Variants in PCDH7 observed in about 807,000 individuals in gnomAD.
The protein encoded by PCDH7 is protocadherin-7.
PCDH7 carries 17 observed loss-of-function variants against 58.9 expected under a neutral mutation model. That is an observed-to-expected ratio of 0.29 (90% CI 0.20 to 0.43). PCDH7 has a LOEUF of 0.43. PCDH7 is among the 20% of genes least tolerant of loss of function. PCDH7 has a pLI of 1.00. For synonymous variants in PCDH7, 664 were observed against 616.4 expected (o/e 1.08, Z -1.14); for missense variants, 1,274 against 1,441.0 (o/e 0.88, Z 1.88).
chr4:30,767,769 C>A (rs1436103730), intron 1 of PCDH7, among the ~76,000 whole-genome samples: 1 of 152,090 alleles, frequency 6.6e-6, no homozygotes, highest in Non-Finnish European at 1.5e-5. Context: ...GCCTACCTTG[C>A]AATTTAGAAC....
intron 1 of PCDH7, among the ~76,000 whole-genome samples, chr4:30,900,765 G>A (rs745574014): frequency 6.6e-6 from 1 of 152,116 alleles, no homozygotes; most frequent in Non-Finnish European, 1.5e-5. Context: ...TCTAGTGATG[G>A]CATTATATAT....
intron 1 of PCDH7, chr4:30,885,091 T>C (rs1737528841): frequency 6.6e-6 from 1 of 152,170 alleles, no homozygotes. Context: ...TCACATTCAT[T>C]GTACAAGGTC....
intron 3 of PCDH7, among the ~76,000 whole-genome samples, chr4:31,046,485 C>A (rs1245020359): frequency 6.6e-6 from 1 of 152,014 alleles, no homozygotes; most frequent in African/African-American, 2.4e-5. Context: ...TTTGCCATGA[C>A]TCAAATAATC....
intron 1 of PCDH7, among the ~76,000 whole-genome samples, chr4:30,805,895 C>A (rs921524089): frequency 6.6e-6 from 1 of 152,188 alleles, no homozygotes; most frequent in African/African-American, 2.4e-5. Context: ...AGTGTAAATG[C>A]ACATTCAGGT....
At chr4:30,813,239 T>C (rs1213172371) in intron 1 of PCDH7, among the ~76,000 whole-genome samples, 1 of 152,176 alleles carries the variant, frequency 6.6e-6, no homozygotes, top group Non-Finnish European at 1.5e-5. Context: ...TAAAACACAT[T>C]TTTCCCCATT....
chr4:31,052,871 G>C (rs539571380), intron 3 of PCDH7, among the ~76,000 whole-genome samples: 51 of 152,226 alleles, frequency 3.4e-4, no homozygotes, highest in African/African-American at 1.1e-3. Context: ...CTTCAGAATA[G>C]AGATTTTCAT....
At chr4:30,849,643 T>C (rs528818530) in intron 1 of PCDH7, among the ~76,000 whole-genome samples, 9 of 152,294 alleles carry the variant, frequency 5.9e-5, no homozygotes, top group Non-Finnish European at 1.0e-4. Context: ...TGTCTTTGTG[T>C]GTAAAATATA....
intron 3 of PCDH7, among the ~76,000 whole-genome samples, chr4:30,992,612 G>A (rs1053090027): frequency 5.3e-5 from 8 of 152,060 alleles, no homozygotes; most frequent in African/African-American, 1.7e-4. Flanking sequence ...AATAGACCTC[G>A]TAAATCATCT....
At chr4:30,881,884 A>G (rs562652641) in intron 1 of PCDH7, among the ~76,000 whole-genome samples, 20 of 152,226 alleles carry the variant, frequency 1.3e-4, no homozygotes, top group African/African-American at 3.8e-4. Flanking sequence ...CAATTTAATT[A>G]TTTATTTTAG....
At chr4:30,820,059 T>C (rs1374652090) in intron 1 of PCDH7, among the ~76,000 whole-genome samples, 1 of 152,060 alleles carries the variant, frequency 6.6e-6, no homozygotes, top group Admixed American at 6.6e-5. Flanking sequence ...TCCAAAATAA[T>C]ACTCTTGGAC....
At chr4:30,890,630 G>C (rs1426605450) in intron 1 of PCDH7, among the ~76,000 whole-genome samples, 1 of 151,886 alleles carries the variant, frequency 6.6e-6, no homozygotes, top group Admixed American at 6.6e-5. Context: ...ATACAGTTCA[G>C]ATCACTAGTT....
At chr4:30,895,027 T>G (rs1739226383) in intron 1 of PCDH7, among the ~76,000 whole-genome samples, 3 of 151,936 alleles carry the variant, frequency 2.0e-5, no homozygotes, top group African/African-American at 7.3e-5. Flanking sequence ...TAGTTTTATC[T>G]TCTTATACCA....
At chr4:31,075,565 T>C (rs1483201589) in intron 3 of PCDH7, among the ~76,000 whole-genome samples, 1 of 152,186 alleles carries the variant, frequency 6.6e-6, no homozygotes, top group African/African-American at 2.4e-5. Context: ...AATTTAGATA[T>C]GCACTAGGAG....
At position 30,914,342 on chromosome 4, in the gene PCDH7, A is replaced by G. The variant is rs533007819; in HGVS notation, c.71-5811A>G. Reference sequence around the variant, plus strand: ...GTAACAAACTCTAAAATGTCTGAGTAGTACCTATAGGAGGGTATGTCCTTA... The same window carrying G: ...GTAACAAACTCTAAAATGTCTGAGTGGTACCTATAGGAGGGTATGTCCTTA... On this transcript the variant is annotated intron_variant, in intron 1 of 3. Coordinates refer to the PCDH7 transcript ENST00000509759. 1.6e-4 allele frequency among the ~76,000 whole-genome samples: 24 copies of G among 152,314 alleles called. 1 individual carries two copies. The South Asian group carries it at 4.6e-3, about 29-fold the overall frequency.
intron 3 of PCDH7, among the ~76,000 whole-genome samples, chr4:31,118,812 C>G (rs1717302930): frequency 6.6e-6 from 1 of 152,020 alleles, no homozygotes; most frequent in African/African-American, 2.4e-5. Flanking sequence ...TTAAAACATT[C>G]AGAAAACTTG....
chr4:30,864,287 A>G (rs1480588518), intron 1 of PCDH7, among the ~76,000 whole-genome samples: 1 of 152,092 alleles, frequency 6.6e-6, no homozygotes, highest in Non-Finnish European at 1.5e-5. Flanking sequence ...TGAGACAGAC[A>G]TGTAAACAAA....
intron 3 of PCDH7, among the ~76,000 whole-genome samples, chr4:31,066,096 A>G (rs2109245134): frequency 6.6e-6 from 1 of 151,926 alleles, no homozygotes; most frequent in South Asian, 2.1e-4. Flanking sequence ...CAGCCTCCTC[A>G]TTTACTTAGT....
chr4:31,120,435 T>A (rs1717538848), intron 3 of PCDH7, among the ~76,000 whole-genome samples: 1 of 118,526 alleles, frequency 8.4e-6, no homozygotes, highest in Non-Finnish European at 1.6e-5. Flanking sequence ...TTCTTTCTAT[T>A]TTTTTCTTTT....
chr4:30,891,313 T>G (rs767024156), intron 1 of PCDH7, among the ~76,000 whole-genome samples: 1 of 152,080 alleles, frequency 6.6e-6, no homozygotes, highest in Non-Finnish European at 1.5e-5. Flanking sequence ...AAGAGCTTCA[T>G]TAAATGGACT....
Sources: gnomAD v4.1 joint callset for allele counts (sites outside exome capture counted in the v4.1 genomes callset) on GRCh38, gnomAD v4.1.1 for gene constraint, MANE v1.5 for transcripts, NCBI Gene and HGNC (gene_info 2026-07-23, HGNC 2026-07-21) for gene names.